TIAM2: variants seen among roughly 807,000 people sequenced by gnomAD.
TIAM2 encodes the protein TIAM Rac1 associated GEF 2.
Under a neutral mutation model 152.9 loss-of-function variants are expected in TIAM2, and 80 were observed. That is an observed-to-expected ratio of 0.52 (90% confidence interval 0.44 to 0.63). The LOEUF (loss-of-function observed/expected upper bound fraction) is 0.63. Among genes scored for constraint, TIAM2 ranks in the 30% least tolerant of loss-of-function variants. The pLI, the probability that TIAM2 is intolerant of heterozygous loss-of-function variation, is 0.00. For synonymous variants in TIAM2, 804 were observed against 838.0 expected (o/e 0.96, Z 0.70); for missense variants, 1,965 against 2,120.1 (o/e 0.93, Z 1.44).
intron 15 of TIAM2, among the ~76,000 whole-genome samples, chr6:155,234,132 G>A (rs1255754253): frequency 6.6e-6 from 1 of 151,898 alleles, no homozygotes; most frequent in East Asian, 1.9e-4. Context: ...TGAAAGCTGA[G>A]GCCTGTGATG....
intron 1 of TIAM2, among the ~76,000 whole-genome samples, chr6:155,074,018 G>A (rs569615320): frequency 1.6e-4 from 25 of 152,278 alleles, no homozygotes; most frequent in African/African-American, 5.5e-4. Context: ...CAACGCTTGA[G>A]CCAAGATACT....
In TIAM2 at chr6:155,249,904, A is replaced by G. The variant is rs745641982; in HGVS notation, c.3886A>G (p.Ile1296Val). ...GAGCCACATCAATGAGATGCAGAAG[A>G]TCTATGAGGATTATGGGACCGTGTT... Reference protein sequence around the residue: ...VASHINEMQKIYEDYGTVFDQ... With the variant: ...VASHINEMQKVYEDYGTVFDQ... Residue 1296 changes from isoleucine to valine, a missense_variant, in exon 21 of 27, where the codon ATC becomes GTC. Ile to Val is a conservative substitution (Grantham distance 29). Around this residue, in one of 3 missense-constraint regions of TIAM2, gnomAD observed 935 missense variants for 980.0 expected, o/e 0.95. Transcript: ENST00000682666. The G allele has an allele frequency of 1.1e-5, 18 of 1,614,160 alleles. No homozygotes were observed. The South Asian group carries it at 1.9e-4, about 17-fold the overall frequency.
intron 5 of TIAM2, among the ~76,000 whole-genome samples, chr6:155,143,346 C>T (rs901388959): frequency 2.6e-5 from 4 of 152,140 alleles, no homozygotes; most frequent in Admixed American, 6.5e-5. Flanking sequence ...ACCTGCAATA[C>T]TTTATTTGCT....
rs1406406498 is a variant in TIAM2 at position 155,174,506 on chromosome 6, G to A, written c.2362-2310G>A. ...CTGCCTCAGCCTCCTGAGTAGCTGG[G>A]GCTACAGACGCGTGCCACCATGCCC... On this transcript the variant is annotated intron_variant, in intron 9 of 26. Coordinates refer to ENST00000682666, the MANE Select transcript of TIAM2 (RefSeq NM_012454.4). This position sits in a 1 kb window ranked among gnomAD's most constrained non-coding sequence, Gnocchi z 4.2. Among the ~76,000 whole-genome samples the A allele has an allele frequency of 1.3e-5, 2 of 152,082 alleles. No individual in the cohort carries two copies. The highest frequency in any genetic ancestry group is 2.9e-5 in the Non-Finnish European group (2 of 68,030).
chr6:155,018,994 C>T (rs1297833814), intron 1 of TIAM2, among the ~76,000 whole-genome samples: 12 of 146,084 alleles, frequency 8.2e-5, no homozygotes, highest in East Asian at 2.1e-4. Flanking sequence ...GAGCTGAGAT[C>T]GTGCTAGTGC....
rs551130502 is a variant in TIAM2, at chr6:155,230,775, A to C, written c.3169-9755A>C. On this transcript the variant is annotated intron_variant, in intron 15 of 26. Transcript: ENST00000682666. ...CAATTTTATAAAAATCTATGCATACATATTTATATAAGTAAATATACATAA... is the reference window on the plus strand; with the variant it reads ...CAATTTTATAAAAATCTATGCATACCTATTTATATAAGTAAATATACATAA... 5.2e-3 allele frequency among the ~76,000 whole-genome samples: 514 copies of C among 98,224 alleles called. 4 individuals carry two copies. The highest frequency in any genetic ancestry group is 0.021 in the African/African-American group (495 of 23,910). The allele number at this position is 98,224 out of a possible 152,430, so 64.4% of individuals were successfully genotyped here. A position where few individuals can be genotyped will look rare whatever the true frequency, so the allele number is the denominator to read the frequency against.
At position 155,182,279 on chromosome 6, in the gene TIAM2, A is replaced by G. The variant is rs1221938277; in HGVS notation, c.2761A>G (p.Ile921Val). 1.2e-6 allele frequency: 2 copies of G among 1,614,208 alleles called. No individual in the cohort carries two copies. Among genetic ancestry groups the G allele is most frequent in the Admixed American group, 3.3e-5 (2 of 60,016 alleles). Residue 921 changes from isoleucine (I) to valine (V), a missense_variant, in exon 13 of 27, where the codon ATA becomes GTA. Transcript: ENST00000682666. Reference sequence around the variant, plus strand: ...GCGTCAGCATCTCAGCCGGATATTTATAAGCGACGTTCTTCCCGATGGCCT... The same window carrying G: ...GCGTCAGCATCTCAGCCGGATATTTGTAAGCGACGTTCTTCCCGATGGCCT... ...DERQHLSRIF[I>V]SDVLPDGLAY...
At chr6:155,182,746 C>T (rs1049949199) in intron 13 of TIAM2, among the ~76,000 whole-genome samples, 1 of 151,956 alleles carries the variant, frequency 6.6e-6, no homozygotes, top group East Asian at 1.9e-4. Flanking sequence ...CAGGCGGACA[C>T]GGATGGAACA....
intron 1 of TIAM2, among the ~76,000 whole-genome samples, chr6:155,050,180 C>T (rs6926694): frequency 0.024 from 3,634 of 152,176 alleles, 153 homozygotes; most frequent in African/African-American, 0.084. Context: ...TACTGGTGCT[C>T]GCCACCATGC....
chr6:155,148,693 A>G (rs1352741478), intron 7 of TIAM2, among the ~76,000 whole-genome samples: 1 of 152,234 alleles, frequency 6.6e-6, no homozygotes, highest in Non-Finnish European at 1.5e-5. Context: ...TTAGACAGGT[A>G]AGATTCTAAT....
intron 2 of TIAM2, among the ~76,000 whole-genome samples, chr6:155,117,450 T>G (rs886227427): frequency 6.6e-6 from 1 of 152,198 alleles, no homozygotes; most frequent in Non-Finnish European, 1.5e-5. Flanking sequence ...ATATTCTCTC[T>G]CTTCCCCCTG....
chr6:155,165,198 CT>C, intron 8 of TIAM2, 64 bp from the exon 9 acceptor site: 1 of 1,512,022 alleles, frequency 6.6e-7, no homozygotes, highest in Non-Finnish European at 8.9e-7. Context: ...AGCTCACTTC[CT>C]TCATTTTTTC....
At chr6:155,165,172 C>T in intron 8 of TIAM2, 91 bp from the exon 9 acceptor site, 1 of 1,362,378 alleles carries the variant, frequency 7.3e-7, no homozygotes, top group Non-Finnish European at 9.9e-7. Flanking sequence ...AGTCAGAATG[C>T]ATTTATAGCA....
intron 14 of TIAM2, among the ~76,000 whole-genome samples, chr6:155,191,813 A>C (rs115160990): frequency 0.41 from 61,972 of 151,388 alleles, 12,834 homozygotes; most frequent in African/African-American, 0.45. Context: ...CAACAACAAA[A>C]AAAAAAAATT....
rs559475883 is a variant in TIAM2 at position 155,115,211 on chromosome 6, C to T, written c.-117-12279C>T. Among the ~76,000 whole-genome samples, 378 of 149,826 alleles carry T rather than the reference C, an allele frequency of 2.5e-3. 1 individual carries two copies. The highest frequency in any genetic ancestry group is 8.8e-3 in the African/African-American group (359 of 40,872). ...AGGAATAATTTCAGATTAAGAAGTA[C>T]AAAATAATTTAAAATTATTATTTTA... On this transcript the variant is annotated intron_variant, in intron 2 of 26. Coordinates refer to ENST00000682666, the MANE Select transcript of TIAM2 (RefSeq NM_012454.4).
At chr6:155,189,992 A>G (rs1781157656) in intron 14 of TIAM2, among the ~76,000 whole-genome samples, 1 of 152,218 alleles carries the variant, frequency 6.6e-6, no homozygotes, top group South Asian at 2.1e-4. Context: ...GGCTGCATGT[A>G]GAGGTCACGG....
At chr6:155,196,046 A>G (rs922611623) in intron 14 of TIAM2, among the ~76,000 whole-genome samples, 2 of 152,190 alleles carry the variant, frequency 1.3e-5, no homozygotes, top group Non-Finnish European at 2.9e-5. Flanking sequence ...GTGATTGGTA[A>G]GGATCACTGA....
intron 15 of TIAM2, among the ~76,000 whole-genome samples, chr6:155,211,637 A>G (rs1313922993): frequency 6.8e-6 from 1 of 147,458 alleles, no homozygotes; most frequent in Non-Finnish European, 1.5e-5. Context: ...GGTGTTAATT[A>G]CTAATCTCTT....
chr6:155,041,979 C>T (rs1344061323), intron 1 of TIAM2, among the ~76,000 whole-genome samples: 1 of 152,130 alleles, frequency 6.6e-6, no homozygotes. Context: ...GGCTCAAAGC[C>T]AGCGTTGCAG....
Sources: allele counts gnomAD v4.1 joint callset (sites outside exome capture counted in the v4.1 genomes callset), GRCh38; gene constraint gnomAD v4.1.1; regional missense constraint gnomAD v4.1.1; non-coding constraint Gnocchi (gnomAD v3.1); transcripts MANE v1.5; gene names NCBI Gene and HGNC (gene_info 2026-07-23, HGNC 2026-07-21).